The following CTTNBP2 variants were observed in gnomAD, a reference collection of about 807,000 sequenced individuals.
CTTNBP2 encodes cortactin-binding protein 2.
Under a neutral mutation model 156.9 loss-of-function variants are expected in CTTNBP2, and 108 were observed. That is an observed-to-expected ratio of 0.69 (90% CI 0.59 to 0.81). The LOEUF (loss-of-function observed/expected upper bound fraction) is 0.81. Among genes scored for constraint, CTTNBP2 ranks in the 30% least tolerant of loss-of-function variants. CTTNBP2 has a pLI of 0.00. For missense variants in CTTNBP2, 1,924 were observed against 2,035.4 expected (o/e 0.95, Z 1.05); for synonymous variants, 767 against 751.8 (o/e 1.02, Z -0.33).
chr7:117,829,712 T>C (rs1801490573), intron 2 of CTTNBP2, among the ~76,000 whole-genome samples: 1 of 152,174 alleles, frequency 6.6e-6, no homozygotes, highest in Admixed American at 6.5e-5. Context: ...CAAATAGGAA[T>C]TACATCCATA....
intron 2 of CTTNBP2, among the ~76,000 whole-genome samples, chr7:117,843,830 G>C (rs901707870): frequency 6.6e-6 from 1 of 152,212 alleles, no homozygotes; most frequent in Non-Finnish European, 1.5e-5. Context: ...GCAGTGGGCA[G>C]AATAATGGCC....
chr7:117,806,722 T>A, intron 3 of CTTNBP2, among the ~76,000 whole-genome samples: 1 of 150,828 alleles, frequency 6.6e-6, no homozygotes, highest in East Asian at 2.0e-4. Flanking sequence ...GAGGTTTGGC[T>A]CATTTCTTTC....
chr7:117,873,158 C>A (rs532799843), intron 1 of CTTNBP2, among the ~76,000 whole-genome samples, 177 bp downstream of exon 1: 7 of 152,252 alleles, frequency 4.6e-5, no homozygotes, highest in South Asian at 2.1e-4. Context: ...TCCGCTCCCC[C>A]CCGCGGCCTC....
chr7:117,780,566 C>T lies in CTTNBP2; in HGVS notation c.2398G>A (p.Asp800Asn), dbSNP rs763688936. The change falls in exon 7 of 23, where the codon GAT (aspartate) becomes AAT (asparagine). Residue 800 changes from aspartate (D) to asparagine (N), a missense_variant. Asp to Asn is a conservative substitution (Grantham distance 23, BLOSUM62 1). Transcript: ENST00000160373. Reference protein sequence around the residue: ...FECVELLISYDANINHAADGG... With the variant: ...FECVELLISYNANINHAADGG... ...TCAGCAGCATGATTAATGTTAGCATCATATGAAATTAATAATTCTACACAC... is the reference window on the plus strand; with the variant it reads ...TCAGCAGCATGATTAATGTTAGCATTATATGAAATTAATAATTCTACACAC... 3 of 1,587,818 alleles carry T rather than the reference C, an allele frequency of 1.9e-6. No homozygotes were observed. The East Asian group carries it at 6.9e-5, about 37-fold the overall frequency.
chr7:117,757,809 T>C, intron 11 of CTTNBP2, 66 bp downstream of exon 11: 1 of 1,018,188 alleles, frequency 9.8e-7, no homozygotes, highest in Non-Finnish European at 1.4e-6. Flanking sequence ...ATTTAAGAAC[T>C]GGTGCTCTGA....
At chr7:117,788,417 C>T (rs939871272) in intron 4 of CTTNBP2, among the ~76,000 whole-genome samples, 2 of 152,160 alleles carry the variant, frequency 1.3e-5, no homozygotes, top group Non-Finnish European at 1.5e-5. Context: ...TTGGAAGAGA[C>T]ACCTGCCAGG....
chr7:117,760,377 C>G (rs573879851), intron 10 of CTTNBP2, 58 bp downstream of exon 10: 1 of 1,538,732 alleles, frequency 6.5e-7, no homozygotes, highest in Admixed American at 1.7e-5. Context: ...TTATGAAACC[C>G]ACAAACATAA....
At chr7:117,739,742 G>A (rs1051512786) in intron 14 of CTTNBP2, among the ~76,000 whole-genome samples, 1 of 152,060 alleles carries the variant, frequency 6.6e-6, no homozygotes, top group African/African-American at 2.4e-5. Flanking sequence ...CTTAAACCCC[G>A]GCTCTGGAGG....
intron 1 of CTTNBP2, chr7:117,871,874 ACC>A: frequency 1.1e-6 from 1 of 916,772 alleles, no homozygotes; most frequent in Non-Finnish European, 1.3e-6. Context: ...ACACACACAC[ACC>A]CTCTTTCTTT....
intron 2 of CTTNBP2, among the ~76,000 whole-genome samples, chr7:117,848,857 C>T (rs1464668155): frequency 6.6e-6 from 1 of 152,148 alleles, no homozygotes; most frequent in Non-Finnish European, 1.5e-5. Flanking sequence ...ACTTCAATTC[C>T]TATGTGAAAC....
intron 16 of CTTNBP2, among the ~76,000 whole-genome samples, chr7:117,734,517 T>C (rs1451862283): frequency 6.6e-6 from 1 of 152,230 alleles, no homozygotes; most frequent in Admixed American, 6.5e-5. Context: ...TTCTACTTTT[T>C]CATGTGGCTT....
At chr7:117,711,882 TAAAACTATAGGTTCTCGTGAAAAATC>T in intron 22 of CTTNBP2, 100 bp from the exon 23 acceptor site, 14 of 1,187,128 alleles carry the variant, frequency 1.2e-5, no homozygotes, top group Non-Finnish European at 1.6e-5. Context: ...AGTTTCTCTC[TAAAACTATAGGTTCTCGTGAAAAATC>T]AAAAGAAAAT....
At chr7:117,807,380 T>C (rs984745906) in intron 3 of CTTNBP2, among the ~76,000 whole-genome samples, 3 of 152,150 alleles carry the variant, frequency 2.0e-5, no homozygotes, top group Non-Finnish European at 4.4e-5. Context: ...TATAATGAAG[T>C]AGAGAACATG....
intron 2 of CTTNBP2, among the ~76,000 whole-genome samples, chr7:117,848,400 T>C (rs1802733108): frequency 6.6e-6 from 1 of 152,150 alleles, no homozygotes; most frequent in Admixed American, 6.5e-5. Flanking sequence ...CTCTCACTTA[T>C]ATCAATGAAT....
chr7:117,789,830 T>G (rs1329536412), intron 4 of CTTNBP2, among the ~76,000 whole-genome samples: 1 of 152,104 alleles, frequency 6.6e-6, no homozygotes, highest in Non-Finnish European at 1.5e-5. Flanking sequence ...AAATGCACAA[T>G]TGTAAATGGC....
intron 2 of CTTNBP2, among the ~76,000 whole-genome samples, chr7:117,837,127 C>G (rs753733099): frequency 6.6e-6 from 1 of 152,128 alleles, no homozygotes; most frequent in African/African-American, 2.4e-5. Context: ...ATCATTTAAG[C>G]CCCTATTTCT....
chr7:117,779,024 T>C (rs776056871), intron 7 of CTTNBP2, among the ~76,000 whole-genome samples: 21 of 152,238 alleles, frequency 1.4e-4, no homozygotes, highest in African/African-American at 4.8e-4. Context: ...CCCTTTATAA[T>C]GTGGCTTTTT....
chr7:117,816,257 G>A (rs1330247334), intron 2 of CTTNBP2, among the ~76,000 whole-genome samples: 2 of 152,236 alleles, frequency 1.3e-5, no homozygotes, highest in South Asian at 2.1e-4. Context: ...CCAGGTGAGA[G>A]CAGTTCCAGG....
At chr7:117,766,312 T>G (rs1347094087) in intron 9 of CTTNBP2, among the ~76,000 whole-genome samples, 1 of 152,222 alleles carries the variant, frequency 6.6e-6, no homozygotes, top group Non-Finnish European at 1.5e-5. Flanking sequence ...GAATTTCTAT[T>G]ATTCTCTTTT....
Sources: allele counts gnomAD v4.1 joint callset (sites outside exome capture counted in the v4.1 genomes callset), GRCh38; gene constraint gnomAD v4.1.1; transcripts MANE v1.5; gene names NCBI Gene and HGNC (gene_info 2026-07-23, HGNC 2026-07-21).